ZNF697: variants seen among roughly 807,000 people sequenced by gnomAD.
ZNF697 encodes zinc finger protein 697.
In ZNF697, 23 loss-of-function variants were observed where a neutral mutation model predicts 32.4. The ratio of observed to expected loss-of-function variants is 0.71; its 90% CI spans 0.51 to 1.01. The LOEUF is 1.01. Among genes scored for constraint, ZNF697 ranks in the 50% least tolerant of loss-of-function variants. The pLI is 0.00. For missense variants in ZNF697, 930 were observed against 794.0 expected (o/e 1.17, Z -2.06); for synonymous variants, 418 against 337.2 (o/e 1.24, Z -2.62).
At position 119,623,039 on chromosome 1, in the gene ZNF697, C is replaced by A. The variant is rs1460788506; in HGVS notation, c.1304G>T (p.Arg435Leu). The change falls in exon 3 of 3, where the codon CGG becomes CTG. Residue 435 changes from arginine (R) to leucine (L), a missense_variant. Coordinates refer to ENST00000421812, the MANE Select transcript of ZNF697 (RefSeq NM_001080470.2). The part of the protein sequence containing the change: ...FTHKRTHSGE[R>L]PYVCRECGKG... ...CCCGCACTCGCGGCACACGTAGGGC[C>A]GCTCACCCGAGTGCGTGCGCTTGTG... 4 of 1,587,256 alleles carry A rather than the reference C, an allele frequency of 2.5e-6. No homozygotes were observed. The highest frequency in any genetic ancestry group is 3.4e-6 in the Non-Finnish European group (4 of 1,166,808).
At chr1:119,635,247 C>G (rs1483624674) in intron 1 of ZNF697, among the ~76,000 whole-genome samples, 1 of 152,088 alleles carries the variant, frequency 6.6e-6, no homozygotes, top group Non-Finnish European at 1.5e-5. Flanking sequence ...AAAGGAATAG[C>G]CTGCTTTTAT....
chr1:119,630,651 A>T lies in ZNF697; in HGVS notation c.-37-4514T>A, dbSNP rs1308638835. Among the ~76,000 whole-genome samples the T allele has an allele frequency of 2.0e-5, 3 of 152,230 alleles. No individual in the cohort carries two copies. In the East Asian group the frequency reaches 5.8e-4, roughly 29 times the overall value. The stretch of plus-strand genomic sequence containing the variant: ...AATGTGATAAAGTGTCTCTAAAAAG[A>T]GAAAAAGACTCCAGCCTGGGCAACA... On this transcript the variant is annotated intron_variant, in intron 1 of 2. Transcript: ENST00000421812.
chr1:119,624,298 G>A (rs1648504398), intron 2 of ZNF697, among the ~76,000 whole-genome samples, 182 bp from the exon 3 acceptor site: 1 of 152,176 alleles, frequency 6.6e-6, no homozygotes, highest in African/African-American at 2.4e-5. Flanking sequence ...AGGCCTAAAG[G>A]AGAGTGCACT....
chr1:119,625,864 T>C lies in ZNF697; in HGVS notation c.226+11A>G. The C allele has an allele frequency of 6.2e-7, 1 of 1,612,798 alleles. No individual in the cohort carries two copies. The highest frequency in any genetic ancestry group is 1.9e-4 in the Middle Eastern group (1 of 5,384). On this transcript the variant is annotated intron_variant, in intron 2 of 2. Coordinates refer to ENST00000421812, the MANE Select transcript of ZNF697 (RefSeq NM_001080470.2). ...TGGCAACTTGCATAGAAATCCCAGC[T>C]TTCTCCTCACCTGTGCAGATGTCGG...
chr1:119,642,944 CA>C (rs1033989428), intron 1 of ZNF697, among the ~76,000 whole-genome samples: 2 of 152,068 alleles, frequency 1.3e-5, no homozygotes, highest in African/African-American at 4.8e-5. Flanking sequence ...GTATGGGGGA[CA>C]AAAAATTTCA....
At chr1:119,628,653 C>A (rs1360468222) in intron 1 of ZNF697, among the ~76,000 whole-genome samples, 2 of 152,170 alleles carry the variant, frequency 1.3e-5, no homozygotes, top group South Asian at 2.1e-4. Flanking sequence ...AACAACTACT[C>A]AAATTTGTTT....
intron 1 of ZNF697, among the ~76,000 whole-genome samples, chr1:119,635,043 A>G (rs1001626568): frequency 6.6e-6 from 1 of 152,234 alleles, no homozygotes; most frequent in Non-Finnish European, 1.5e-5. Context: ...AATATTGGTC[A>G]TATATTGACC....
intron 1 of ZNF697, among the ~76,000 whole-genome samples, chr1:119,646,322 A>ACACACACAC (rs1649201650): frequency 1.5e-5 from 2 of 136,830 alleles, no homozygotes; most frequent in African/African-American, 5.7e-5. Flanking sequence ...CCCCACTTCC[A>ACACACACAC]ACACACACAC....
chr1:119,633,417 T>C (rs1189927374), intron 1 of ZNF697, among the ~76,000 whole-genome samples: 2 of 147,920 alleles, frequency 1.4e-5, no homozygotes, highest in Admixed American at 6.8e-5. Flanking sequence ...GAGAGAGAGA[T>C]TGATTTATCA....
rs962612659 is a variant in ZNF697 at position 119,623,695 on chromosome 1, G to C, written c.648C>G (p.Ala216=). The C allele has an allele frequency of 6.6e-7, 1 of 1,521,962 alleles. No individual in the cohort carries two copies. The highest frequency in any genetic ancestry group is 2.5e-5 in the East Asian group (1 of 39,822). The allele number at this position is 1,521,962 out of a possible 1,614,324, so 94.3% of individuals were successfully genotyped here. A position where few individuals can be genotyped will look rare whatever the true frequency, so the allele number is the denominator to read the frequency against. The change falls in exon 3 of 3, where the codon GCC becomes GCG. Residue 216 remains alanine (A), a synonymous_variant. Transcript: ENST00000421812. ...AGGGCTCCAGGCTGGCGGCGGCAGC[G>C]GCCTCAGCCAGGCGGTGAATGCGCT... The part of the protein sequence containing the change: ...QHQRIHRLAE[A]AAAASLEPFG...
Position 119,623,223 on chromosome 1 carries a change from T to C in ZNF697, c.1120A>G (p.Ile374Val). 6.4e-7 allele frequency: 1 copy of C among 1,568,866 alleles called. No individual in the cohort carries two copies. Among genetic ancestry groups the C allele is most frequent in the Admixed American group, 1.8e-5 (1 of 55,810 alleles). The change falls in exon 3 of 3, where the codon ATC (isoleucine) becomes GTC (valine). Residue 374 changes from isoleucine to valine, a missense_variant. Ile to Val is a conservative substitution (Grantham distance 29). Transcript: ENST00000421812. ...RRSHLANHQR[I>V]HTGEKPHGCG... Reference sequence around the variant, plus strand: ...CCGTGCGGCTTCTCGCCCGTGTGGATGCGCTGGTGGTTGGCCAGGTGCGAA... The same window carrying C: ...CCGTGCGGCTTCTCGCCCGTGTGGACGCGCTGGTGGTTGGCCAGGTGCGAA...
At position 119,621,801 on chromosome 1, in the gene ZNF697, C is replaced by T. The variant is rs1462661885; in HGVS notation, c.*904G>A. On this transcript the variant is annotated 3_prime_UTR_variant, in exon 3 of 3. Coordinates refer to ENST00000421812, the MANE Select transcript of ZNF697 (RefSeq NM_001080470.2). ...TTGGTCTAAAGTTCACTTGAAACAC[C>T]TACATCAAGGTGAGGTGGGAAAAGG... The T allele has an allele frequency of 6.6e-6, 1 of 152,178 alleles. No homozygotes were observed. Among genetic ancestry groups the T allele is most frequent in the African/African-American group, 2.4e-5 (1 of 41,426 alleles). 9.4% of individuals were successfully genotyped at this position (152,178 alleles called of 1,614,324 possible).
At chr1:119,626,846 C>T (rs1227285792) in intron 1 of ZNF697, among the ~76,000 whole-genome samples, 2 of 152,122 alleles carry the variant, frequency 1.3e-5, no homozygotes, top group South Asian at 2.1e-4. Flanking sequence ...GTACAGGGGA[C>T]CCTCTATATT....
Position 119,623,849 on chromosome 1 carries a change from C to T in ZNF697, c.494G>A (p.Arg165Gln), listed in dbSNP as rs1648469807. ...GDKPAHRRFH[R>Q]LHHPMAVDLG... ...GTCCACGGCCATGGGGTGGTGGAGCCGGTGGAAGCGGCGGTGGGCGGGCTT... is the reference window on the plus strand; with the variant it reads ...GTCCACGGCCATGGGGTGGTGGAGCTGGTGGAAGCGGCGGTGGGCGGGCTT... The change falls in exon 3 of 3, where the codon CGG (arginine) becomes CAG (glutamine). Residue 165 changes from arginine to glutamine, a missense_variant. Arg to Gln is a conservative substitution (Grantham distance 43). Coordinates refer to ENST00000421812, the MANE Select transcript of ZNF697 (RefSeq NM_001080470.2). 4 of 1,542,482 alleles carry T rather than the reference C, an allele frequency of 2.6e-6. No homozygotes were observed. The East Asian group carries it at 9.7e-5, about 38-fold the overall frequency.
chr1:119,639,715 CAA>C (rs779242670), intron 1 of ZNF697, among the ~76,000 whole-genome samples: 9 of 110,468 alleles, frequency 8.1e-5, no homozygotes, highest in Admixed American at 2.9e-4. Context: ...CCTGTCTCTC[CAA>C]AAAAAAAAAA....
At chr1:119,647,162 G>A (rs1255215673) in intron 1 of ZNF697, among the ~76,000 whole-genome samples, 2 of 152,154 alleles carry the variant, frequency 1.3e-5, no homozygotes, top group Non-Finnish European at 1.5e-5. Flanking sequence ...GTCAGTTCCC[G>A]ATGCATGGCC....
At position 119,622,820 on chromosome 1, in the gene ZNF697, A is replaced by G. The variant is rs1357128062; in HGVS notation, c.1523T>C (p.Leu508Pro). ...CGKSFIQSSH[L>P]IRHRRIHTGN... ...CGTGTGGATGCGGCGGTGGCGGATC[A>G]GGTGGGAGCTCTGGATAAAGCTCTT... is the stretch of plus-strand genomic sequence containing the variant. Residue 508 changes from leucine (L) to proline (P), a missense_variant, in exon 3 of 3, where the codon CTG becomes CCG. Physicochemically the swap from Leu to Pro is moderately conservative, Grantham distance 98. Coordinates refer to ENST00000421812, the MANE Select transcript of ZNF697 (RefSeq NM_001080470.2). 4 of 1,600,820 alleles carry G rather than the reference A, an allele frequency of 2.5e-6. No homozygotes were observed. Among genetic ancestry groups the G allele is most frequent in the Non-Finnish European group, 3.4e-6 (4 of 1,172,998 alleles).
intron 2 of ZNF697, among the ~76,000 whole-genome samples, chr1:119,625,634 C>G (rs961539758): frequency 4.6e-5 from 7 of 152,206 alleles, no homozygotes; most frequent in Non-Finnish European, 1.0e-4. Flanking sequence ...GCAGCATTCT[C>G]TACACTGTAA....
intron 1 of ZNF697, 111 bp from the exon 2 acceptor site, chr1:119,626,248 T>C: frequency 7.3e-7 from 1 of 1,374,378 alleles, no homozygotes. Context: ...AAGCCCCAGA[T>C]GGCAAACCTC....
Sources: gnomAD v4.1 joint callset for allele counts (sites outside exome capture counted in the v4.1 genomes callset) on GRCh38, gnomAD v4.1.1 for gene constraint, MANE v1.5 for transcripts, NCBI Gene and HGNC (gene_info 2026-07-23, HGNC 2026-07-21) for gene names.